The following GKN2 variants were observed in gnomAD, a reference collection of about 807,000 sequenced individuals.
The protein encoded by GKN2 is gastrokine-2.
Under a neutral mutation model 22.7 loss-of-function variants are expected in GKN2, and 17 were observed. The observed-to-expected ratio is 0.75, with a 90% confidence interval of 0.51 to 1.13. GKN2 has a LOEUF of 1.13. Among genes scored for constraint, GKN2 ranks in the 50% most tolerant of loss-of-function variants. GKN2 has a pLI of 0.00. For synonymous variants in GKN2, 82 were observed against 79.6 expected (o/e 1.03, Z -0.16); for missense variants, 248 against 221.4 (o/e 1.12, Z -0.76).
chr2:68,952,345 C>A (rs1558707778), intron 1 of GKN2, among the ~76,000 whole-genome samples: 1 of 152,128 alleles, frequency 6.6e-6, no homozygotes, highest in Non-Finnish European at 1.5e-5. Flanking sequence ...GCCTCTCAGT[C>A]TCCTTATCTG....
rs746475808 is a variant in GKN2 at position 68,945,488 on chromosome 2, A to G, written c.473-38T>C. The G allele has an allele frequency of 1.4e-5, 20 of 1,391,876 alleles. No individual in the cohort carries two copies. The East Asian group carries it at 4.3e-4, about 30-fold the overall frequency. 86.2% of individuals were successfully genotyped at this position (1,391,876 alleles called of 1,614,324 possible). On this transcript the variant is annotated intron_variant, in intron 5 of 5. Transcript: ENST00000328895. Reference sequence around the variant, plus strand: ...AAATTTTTCAGAGAAAGAGCATTAAAAAATATATTATTGGAATTATTAGAA... The same window carrying G: ...AAATTTTTCAGAGAAAGAGCATTAAGAAATATATTATTGGAATTATTAGAA...
intron 5 of GKN2, 137 bp from the exon 6 acceptor site, chr2:68,945,587 C>G: frequency 1.6e-6 from 1 of 613,002 alleles, no homozygotes; most frequent in Non-Finnish European, 2.9e-6. Flanking sequence ...TGATATTATG[C>G]CATTCTGTGT....
rs773101838 is a variant in GKN2, at chr2:68,946,382, A to G, written c.394T>C (p.Trp132Arg). 1.2e-6 allele frequency: 2 copies of G among 1,614,082 alleles called. No homozygotes were observed. The highest frequency in any genetic ancestry group is 8.5e-7 in the Non-Finnish European group (1 of 1,179,996). ...PLESLIKDVD[W>R]FLLGSPIEKL... ...TCAATGGGTGACCCAAGCAGGAACC[A>G]ATCCACGTCTTTGATCAGAGACTCC... is the stretch of plus-strand genomic sequence containing the variant. Residue 132 changes from tryptophan to arginine, a missense_variant, in exon 5 of 6, where the codon TGG (tryptophan) becomes CGG (arginine). By Grantham distance (101) the Trp-to-Arg change is moderately radical (BLOSUM62 -3). Coordinates refer to ENST00000328895, the MANE Select transcript of GKN2 (RefSeq NM_182536.3).
rs558226512 is a variant in GKN2 at position 68,945,447 on chromosome 2, T to C, written c.476A>G (p.Asn159Ser). The part of the protein sequence containing the change: ...YKGEVVENTH[N>S]VGAGGCAKAG... ...CTTTGCACAGCCTCCAGCACCGACA[T>C]TATCTGGAAAAGGGAAAATTTTTCA... Residue 159 changes from asparagine to serine, a missense_variant, in exon 6 of 6, where the codon AAT becomes AGT. Coordinates refer to ENST00000328895, the MANE Select transcript of GKN2 (RefSeq NM_182536.3). 1 of 1,605,184 alleles carries C rather than the reference T, an allele frequency of 6.2e-7. No individual in the cohort carries two copies. The highest frequency in any genetic ancestry group is 8.5e-7 in the Non-Finnish European group (1 of 1,175,444).
intron 3 of GKN2, 22 bp from the exon 4 acceptor site, chr2:68,947,279 T>C: frequency 2.0e-6 from 3 of 1,473,796 alleles, no homozygotes; most frequent in Non-Finnish European, 2.9e-6. Context: ...AGAGTACAGT[T>C]ACTGTTCCTC....
At chr2:68,950,911 A>T (rs909575702) in intron 1 of GKN2, among the ~76,000 whole-genome samples, 156 bp from the exon 2 acceptor site, 1 of 152,204 alleles carries the variant, frequency 6.6e-6, no homozygotes, top group African/African-American at 2.4e-5. Flanking sequence ...TTCCACGCAC[A>T]CATTGATTGG....
chr2:68,950,390 G>C, intron 2 of GKN2, 127 bp from the exon 3 acceptor site: 1 of 880,370 alleles, frequency 1.1e-6, no homozygotes. Context: ...GTCCACTGGG[G>C]TCCCAATCCA....
At chr2:68,952,787 G>A (rs1159576553) in intron 1 of GKN2, 63 bp downstream of exon 1, 2 of 1,562,610 alleles carry the variant, frequency 1.3e-6, no homozygotes, top group Non-Finnish European at 8.8e-7. Flanking sequence ...TGGCATATTA[G>A]ATATGAGCAT....
chr2:68,945,433 C>A lies in GKN2; in HGVS notation c.490G>T (p.Gly164Cys), dbSNP rs746670104. ...CCCAGGAGCCCAGCCTTTGCACAGC[C>A]TCCAGCACCGACATTATCTGGAAAA... ...VENTHNVGAG[G>C]CAKAGLLGIL... Residue 164 changes from glycine to cysteine, a missense_variant, in exon 6 of 6, where the codon GGC becomes TGC. Gly to Cys is a radical substitution (Grantham distance 159, BLOSUM62 -3). Transcript: ENST00000328895. 2 of 1,609,442 alleles carry A rather than the reference C, an allele frequency of 1.2e-6. No individual in the cohort carries two copies. Among genetic ancestry groups the A allele is most frequent in the Non-Finnish European group, 1.7e-6 (2 of 1,177,286 alleles).
chr2:68,948,737 T>C (rs770807411), intron 3 of GKN2, among the ~76,000 whole-genome samples: 6 of 152,228 alleles, frequency 3.9e-5, no homozygotes, highest in Admixed American at 6.5e-5. Flanking sequence ...AATAATGATA[T>C]ACCCTAGAAA....
At chr2:68,949,809 G>A (rs942705363) in intron 3 of GKN2, among the ~76,000 whole-genome samples, 18 of 152,222 alleles carry the variant, frequency 1.2e-4, no homozygotes, top group Admixed American at 2.0e-4. Context: ...TCTGCATGCC[G>A]GGCTTTGCTT....
Position 68,946,349 on chromosome 2 carries a change from A to G in GKN2, c.427T>C (p.Cys143Arg), listed in dbSNP as rs745547346. Reference protein sequence around the residue: ...FLLGSPIEKLCKHIPLYKGEV... With the variant: ...FLLGSPIEKLRKHIPLYKGEV... Reference sequence around the variant, plus strand: ...CCCTTATACAAAGGGATATGTTTGCAGAGTTTCTCAATGGGTGACCCAAGC... The same window carrying G: ...CCCTTATACAAAGGGATATGTTTGCGGAGTTTCTCAATGGGTGACCCAAGC... The change falls in exon 5 of 6, where the codon TGC becomes CGC. Residue 143 changes from cysteine (C) to arginine (R), a missense_variant. Transcript: ENST00000328895. 1.9e-6 allele frequency: 3 copies of G among 1,613,846 alleles called. No individual in the cohort carries two copies. The South Asian group carries it at 3.3e-5, about 18-fold the overall frequency.
chr2:68,948,492 C>A (rs1669806026), intron 3 of GKN2, among the ~76,000 whole-genome samples: 1 of 152,142 alleles, frequency 6.6e-6, no homozygotes, highest in South Asian at 2.1e-4. Flanking sequence ...CATACCCATA[C>A]CCACACTCAT....
chr2:68,950,758 G>A lies in GKN2; in HGVS notation c.13-3C>T. 6.2e-7 allele frequency: 1 copy of A among 1,614,008 alleles called. No homozygotes were observed. The highest frequency in any genetic ancestry group is 8.5e-7 in the Non-Finnish European group (1 of 1,179,942). ...GTCAGCACCACCAGAAATGCCACCT[G>A]AAAAACAGACCCACCACATCCATTC... On this transcript the variant is annotated splice_polypyrimidine_tract_variant and splice_region_variant and intron_variant, in intron 1 of 5. Coordinates refer to ENST00000328895, the MANE Select transcript of GKN2 (RefSeq NM_182536.3).
At chr2:68,948,243 C>CAAA (rs765228049) in intron 3 of GKN2, among the ~76,000 whole-genome samples, 182 of 37,936 alleles carry the variant, frequency 4.8e-3, no homozygotes, top group South Asian at 0.011. Flanking sequence ...GAGACTCCGT[C>CAAA]AAAAAAAAAA....
At chr2:68,949,364 C>G (rs1413182315) in intron 3 of GKN2, among the ~76,000 whole-genome samples, 2 of 151,704 alleles carry the variant, frequency 1.3e-5, no homozygotes, top group Non-Finnish European at 2.9e-5. Flanking sequence ...TGGATTTCTG[C>G]TATGTTGTGA....
At chr2:68,951,986 G>A (rs938790199) in intron 1 of GKN2, among the ~76,000 whole-genome samples, 1 of 152,236 alleles carries the variant, frequency 6.6e-6, no homozygotes, top group African/African-American at 2.4e-5. Flanking sequence ...TAAGCTGATA[G>A]TCTTTAACAC....
intron 3 of GKN2, among the ~76,000 whole-genome samples, chr2:68,948,297 C>T (rs1425883608): frequency 6.6e-6 from 1 of 150,606 alleles, no homozygotes; most frequent in Admixed American, 6.6e-5. Flanking sequence ...TAGTTATTAG[C>T]TATATGCCAC....
intron 3 of GKN2, among the ~76,000 whole-genome samples, chr2:68,947,623 C>T (rs1669789230): frequency 6.6e-6 from 1 of 152,078 alleles, no homozygotes; most frequent in South Asian, 2.1e-4. Context: ...CAGACTCTCA[C>T]TCTGTTGCCC....
Sources: allele counts gnomAD v4.1 joint callset (sites outside exome capture counted in the v4.1 genomes callset), GRCh38; gene constraint gnomAD v4.1.1; transcripts MANE v1.5; gene names NCBI Gene and HGNC (gene_info 2026-07-23, HGNC 2026-07-21).